Variants in CD44 observed in about 807,000 individuals in gnomAD.
CD44 encodes CD44 antigen.
In CD44, 49 loss-of-function variants were observed where a neutral mutation model predicts 88.8. The observed-to-expected ratio is 0.55, with a 90% CI of 0.44 to 0.70. CD44 has a LOEUF of 0.70. Ranked by LOEUF, CD44 falls within the 30% of genes least tolerant of loss-of-function variation. The pLI, the probability that CD44 is intolerant of heterozygous loss-of-function variation, is 0.00. For synonymous variants in CD44, 325 were observed against 312.3 expected (o/e 1.04, Z -0.43); for missense variants, 883 against 913.8 (o/e 0.97, Z 0.43).
In CD44 at chr11:35,186,826, T is replaced by C; in HGVS notation, c.368-6T>C. ...GGGTTCTCATCCTTTTTTTCCTACC[T>C]CATAGCTCCACCTGAAGAAGATTGT... On this transcript the variant is annotated splice_region_variant and splice_polypyrimidine_tract_variant and intron_variant, in intron 3 of 17. Transcript: ENST00000428726. The C allele has an allele frequency of 6.3e-7, 1 of 1,588,354 alleles. No homozygotes were observed. Among genetic ancestry groups the C allele is most frequent in the Non-Finnish European group, 8.6e-7 (1 of 1,156,570 alleles).
chr11:35,162,305 G>A (rs1942725216), intron 1 of CD44, among the ~76,000 whole-genome samples: 1 of 152,222 alleles, frequency 6.6e-6, no homozygotes, highest in Non-Finnish European at 1.5e-5. Flanking sequence ...TATGGTGAAA[G>A]AATGGGCTTT....
chr11:35,168,859 T>G (rs945823037), intron 1 of CD44, among the ~76,000 whole-genome samples: 1 of 152,216 alleles, frequency 6.6e-6, no homozygotes, highest in Non-Finnish European at 1.5e-5. Flanking sequence ...GCCTCAGAAA[T>G]GGCCCTGTGA....
chr11:35,176,284 C>T (rs1362993878), intron 1 of CD44, among the ~76,000 whole-genome samples: 3 of 151,850 alleles, frequency 2.0e-5, no homozygotes, highest in Non-Finnish European at 4.4e-5. Context: ...CCTTGTGATC[C>T]GCCCGCCTCG....
chr11:35,226,690 A>C (rs936457798), intron 17 of CD44, among the ~76,000 whole-genome samples: 7 of 152,050 alleles, frequency 4.6e-5, no homozygotes, highest in Non-Finnish European at 4.4e-5. Context: ...TAATAACAAT[A>C]GACTCATTTA....
intron 15 of CD44, among the ~76,000 whole-genome samples, chr11:35,216,323 T>C (rs929017588): frequency 2.0e-5 from 3 of 152,192 alleles, no homozygotes; most frequent in Non-Finnish European, 2.9e-5. Context: ...GTGGTCTCCC[T>C]GAACATCATA....
chr11:35,146,301 GT>G (rs1209184093), intron 1 of CD44, among the ~76,000 whole-genome samples: 1 of 152,206 alleles, frequency 6.6e-6, no homozygotes, highest in Non-Finnish European at 1.5e-5. Flanking sequence ...AAACTCCGGG[GT>G]TGAGGGAAGA....
intron 6 of CD44, 65 bp downstream of exon 6, chr11:35,196,939 C>G: frequency 6.5e-7 from 1 of 1,537,140 alleles, no homozygotes; most frequent in Admixed American, 1.8e-5. Context: ...TTTGATTGAC[C>G]TCTGGGATGT....
chr11:35,161,988 C>G (rs1306402033), intron 1 of CD44, among the ~76,000 whole-genome samples: 3 of 152,172 alleles, frequency 2.0e-5, no homozygotes, highest in Non-Finnish European at 4.4e-5. Flanking sequence ...ATATTATCCT[C>G]TTTTATTTTC....
At chr11:35,180,639 T>C (rs967859813) in intron 3 of CD44, among the ~76,000 whole-genome samples, 1 of 152,214 alleles carries the variant, frequency 6.6e-6, no homozygotes, top group Non-Finnish European at 1.5e-5. Context: ...ATCTTTTGGC[T>C]TCCCTAGGTC....
intron 8 of CD44, 178 bp from the exon 9 acceptor site, chr11:35,201,493 C>G (rs1421820299): frequency 1.5e-6 from 1 of 670,606 alleles, no homozygotes; most frequent in East Asian, 2.7e-5. Flanking sequence ...AAATTCCAAG[C>G]CCATTGATTT....
At position 35,221,681 on chromosome 11, in the gene CD44, T is replaced by C; in HGVS notation, c.1973T>C (p.Leu658Ser). The C allele has an allele frequency of 1.2e-6, 2 of 1,614,116 alleles. No individual in the cohort carries two copies. Among genetic ancestry groups the C allele is most frequent in the Non-Finnish European group, 1.7e-6 (2 of 1,179,944 alleles). Residue 658 changes from leucine to serine, a missense_variant, in exon 17 of 18, where the codon TTG becomes TCG. Leu to Ser is a moderately radical substitution (Grantham distance 145). Coordinates refer to ENST00000428726, the MANE Select transcript of CD44 (RefSeq NM_000610.4). ...PEWLIILASL[L>S]ALALILAVCI... ...TGGCTGATCATCTTGGCATCCCTCT[T>C]GGCCTTGGCTTTGATTCTTGCAGTT...
At chr11:35,190,148 G>A (rs1183012410) in intron 5 of CD44, 83 bp downstream of exon 5, 3 of 1,209,106 alleles carry the variant, frequency 2.5e-6, no homozygotes, top group African/African-American at 1.5e-5. Flanking sequence ...GCACACTCAC[G>A]TGCTGATTTT....
intron 1 of CD44, among the ~76,000 whole-genome samples, chr11:35,173,095 TA>T (rs1944086440): frequency 6.6e-6 from 1 of 152,196 alleles, no homozygotes; most frequent in Non-Finnish European, 1.5e-5. Context: ...GGTGGCAAGG[TA>T]GAATTGACTG....
intron 1 of CD44, among the ~76,000 whole-genome samples, chr11:35,149,575 G>A (rs1407102553): frequency 6.6e-6 from 1 of 152,196 alleles, no homozygotes. Context: ...GATTCACTAT[G>A]TGCTGCTAGG....
Position 35,139,171 on chromosome 11 carries a change from C to T in CD44, c.-133C>T. The T allele has an allele frequency of 1.5e-6, 1 of 683,988 alleles. No homozygotes were observed. The highest frequency in any genetic ancestry group is 2.6e-6 in the Non-Finnish European group (1 of 379,874). The allele number at this position is 683,988 out of a possible 1,614,324, so 42.4% of individuals were successfully genotyped here. ...AACTGCAGCCAACTTCCGAGGCAGC[C>T]TCATTGCCCAGCGGACCCCAGCCTC... On this transcript the variant is annotated 5_prime_UTR_variant, in exon 1 of 18. Transcript: ENST00000428726.
intron 5 of CD44, among the ~76,000 whole-genome samples, chr11:35,191,061 T>C (rs1185763364): frequency 6.6e-6 from 1 of 152,214 alleles, no homozygotes; most frequent in Non-Finnish European, 1.5e-5. Context: ...CAAACTCAAA[T>C]AGGGCATCTG....
intron 4 of CD44, among the ~76,000 whole-genome samples, 157 bp from the exon 5 acceptor site, chr11:35,189,678 C>A (rs1946074277): frequency 6.6e-6 from 1 of 152,104 alleles, no homozygotes; most frequent in Admixed American, 6.5e-5. Flanking sequence ...TGGGAGGGTG[C>A]ACTTTCTTAG....
chr11:35,213,775 T>A (rs535637688), intron 14 of CD44: 1 of 136,506 alleles, frequency 7.3e-6, no homozygotes, highest in African/African-American at 3.0e-5. Flanking sequence ...AGTGGGAGTA[T>A]TGGTGTGGCA....
intron 4 of CD44, among the ~76,000 whole-genome samples, chr11:35,188,496 G>A (rs1945921929): frequency 1.3e-5 from 2 of 152,178 alleles, no homozygotes; most frequent in Non-Finnish European, 2.9e-5. Context: ...TTTAATAAAT[G>A]CCCTGTTTCT....
Sources: gnomAD v4.1 joint callset for allele counts (sites outside exome capture counted in the v4.1 genomes callset) on GRCh38, gnomAD v4.1.1 for gene constraint, MANE v1.5 for transcripts, NCBI Gene and HGNC (gene_info 2026-07-23, HGNC 2026-07-21) for gene names.